Variants in CNTNAP2 observed in about 807,000 individuals in gnomAD.
The protein encoded by CNTNAP2 is contactin associated protein 2.
In CNTNAP2, 98 loss-of-function variants were observed where a neutral mutation model predicts 155.2. The observed-to-expected ratio is 0.63, with a 90% CI of 0.54 to 0.75. The LOEUF (loss-of-function observed/expected upper bound fraction) is 0.75, where lower values mean the gene tolerates loss of function less well. Ranked by LOEUF, CNTNAP2 falls within the 30% of genes least tolerant of loss-of-function variation. CNTNAP2 has a pLI of 0.00. For synonymous variants in CNTNAP2, 651 were observed against 631.2 expected, an observed-to-expected ratio of 1.03 and a Z score of -0.47; for missense variants, 1,727 against 1,688.1, an observed-to-expected ratio of 1.02 and a Z score of -0.40.
At chr7:147,811,705 T>G (rs533925556) in intron 13 of CNTNAP2, among the ~76,000 whole-genome samples, 8 of 152,232 alleles carry the variant, frequency 5.3e-5, no homozygotes, top group Non-Finnish European at 8.8e-5. Flanking sequence ...TTTAGCCTAA[T>G]TATTCAATGA....
At chr7:147,116,856 G>A (rs1801002011) in intron 5 of CNTNAP2, among the ~76,000 whole-genome samples, 1 of 152,256 alleles carries the variant, frequency 6.6e-6, no homozygotes, top group Non-Finnish European at 1.5e-5. Flanking sequence ...ATCTGGCAAA[G>A]CCACTGTGTT....
At chr7:147,823,740 G>A (rs1375619450) in intron 13 of CNTNAP2, among the ~76,000 whole-genome samples, 1 of 151,480 alleles carries the variant, frequency 6.6e-6, no homozygotes, top group African/African-American at 2.4e-5. Flanking sequence ...AAAAATTACT[G>A]AAGCTACAGA....
At chr7:147,606,170 A>G (rs1031457819) in intron 12 of CNTNAP2, among the ~76,000 whole-genome samples, 1 of 152,214 alleles carries the variant, frequency 6.6e-6, no homozygotes, top group South Asian at 2.1e-4. Context: ...TAATAATAAT[A>G]GAAACTCAGA....
chr7:146,357,212 T>C (rs1001736200), intron 1 of CNTNAP2, among the ~76,000 whole-genome samples: 1 of 136,672 alleles, frequency 7.3e-6, no homozygotes, highest in Non-Finnish European at 1.5e-5. Context: ...CGCTTGGCCC[T>C]GTGACAACAT....
intron 1 of CNTNAP2, among the ~76,000 whole-genome samples, chr7:146,723,904 A>G (rs185538824): frequency 1.1e-3 from 163 of 152,296 alleles, no homozygotes; most frequent in Non-Finnish European, 1.4e-3. Context: ...CAGATAAAAT[A>G]TGGAGGTCCC....
At position 148,108,703 on chromosome 7, in the gene CNTNAP2, G is replaced by A. The variant is rs1804278421; in HGVS notation, c.2384-9415G>A. On this transcript the variant is annotated intron_variant, in intron 15 of 23. Transcript: ENST00000361727. ...GGGTACAGAGGCTGGAAGGTGCAGG[G>A]AATGGGGAGATGGTCAAAGAGTGCA... 2.6e-5 allele frequency among the ~76,000 whole-genome samples: 4 copies of A among 152,318 alleles called. No homozygotes were observed. In the South Asian group the frequency reaches 8.3e-4, roughly 32 times the overall value.
intron 13 of CNTNAP2, among the ~76,000 whole-genome samples, chr7:147,689,198 G>C (rs989635213): frequency 2.0e-5 from 3 of 148,264 alleles, no homozygotes; most frequent in Non-Finnish European, 4.4e-5. Flanking sequence ...TGCCCAGGCT[G>C]AAGTTCAGTG....
At chr7:147,356,723 G>A (rs1215733012) in intron 9 of CNTNAP2, among the ~76,000 whole-genome samples, 1 of 152,094 alleles carries the variant, frequency 6.6e-6, no homozygotes, top group Non-Finnish European at 1.5e-5. Context: ...ACTTTGTACT[G>A]TAAAATTTGT....
At chr7:146,181,848 G>T (rs1463893552) in intron 1 of CNTNAP2, among the ~76,000 whole-genome samples, 1 of 152,134 alleles carries the variant, frequency 6.6e-6, no homozygotes, top group Non-Finnish European at 1.5e-5. Flanking sequence ...TGCTGGTCAA[G>T]CACATATTTA....
intron 21 of CNTNAP2, among the ~76,000 whole-genome samples, chr7:148,271,244 T>C (rs1796774794): frequency 1.3e-5 from 2 of 152,242 alleles, no homozygotes; most frequent in South Asian, 4.1e-4. Context: ...CTCAAAACTA[T>C]TAAGTTTTCT....
chr7:146,398,910 A>G (rs769762320), intron 1 of CNTNAP2, among the ~76,000 whole-genome samples: 9 of 152,054 alleles, frequency 5.9e-5, no homozygotes, highest in Non-Finnish European at 1.0e-4. Context: ...TAAAAAATAT[A>G]TGGATTTTTA....
intron 1 of CNTNAP2, among the ~76,000 whole-genome samples, chr7:146,400,728 A>G (rs1795702149): frequency 6.6e-6 from 1 of 152,322 alleles, no homozygotes; most frequent in African/African-American, 2.4e-5. Flanking sequence ...TTTAACTATT[A>G]GTTGTTGATT....
intron 9 of CNTNAP2, among the ~76,000 whole-genome samples, chr7:147,370,033 C>T (rs1796315182): frequency 6.6e-6 from 1 of 152,148 alleles, no homozygotes; most frequent in Non-Finnish European, 1.5e-5. Flanking sequence ...GAAATTCTGT[C>T]CCTTGCCTCT....
intron 1 of CNTNAP2, among the ~76,000 whole-genome samples, chr7:146,651,658 A>G (rs1799913643): frequency 6.6e-6 from 1 of 152,162 alleles, no homozygotes; most frequent in African/African-American, 2.4e-5. Context: ...AGATAAGAAT[A>G]AGGCAGTTCC....
chr7:146,973,395 T>C (rs1348668714), intron 3 of CNTNAP2, among the ~76,000 whole-genome samples: 2 of 152,202 alleles, frequency 1.3e-5, no homozygotes, highest in Non-Finnish European at 2.9e-5. Context: ...ACAGTGCAGA[T>C]GTAGATGGAA....
intron 3 of CNTNAP2, among the ~76,000 whole-genome samples, chr7:147,008,693 A>C (rs1295127555): frequency 1.3e-5 from 2 of 152,162 alleles, no homozygotes; most frequent in Non-Finnish European, 2.9e-5. Flanking sequence ...ATAAGCAGCA[A>C]AACAAAAGAA....
intron 1 of CNTNAP2, among the ~76,000 whole-genome samples, chr7:146,120,474 A>T (rs1393403878): frequency 6.6e-6 from 1 of 152,176 alleles, no homozygotes; most frequent in Non-Finnish European, 1.5e-5. Context: ...TTGGGCAAAA[A>T]AATTAATCCA....
At chr7:148,323,294 CTTTTTTT>C (rs60109355) in intron 21 of CNTNAP2, among the ~76,000 whole-genome samples, 1 of 49,464 alleles carries the variant, frequency 2.0e-5, no homozygotes, top group Non-Finnish European at 3.4e-5. Flanking sequence ...TTATGGATTT[CTTTTTTT>C]TTTTTTTTTT....
chr7:147,670,903 C>G (rs1054665252), intron 13 of CNTNAP2, among the ~76,000 whole-genome samples: 1 of 152,220 alleles, frequency 6.6e-6, no homozygotes, highest in Admixed American at 6.5e-5. Context: ...CAGCTGTTAA[C>G]ACTCAAGCCG....
Sources: gnomAD v4.1 joint callset for allele counts (sites outside exome capture counted in the v4.1 genomes callset) on GRCh38, gnomAD v4.1.1 for gene constraint, MANE v1.5 for transcripts, NCBI Gene and HGNC (gene_info 2026-07-23, HGNC 2026-07-21) for gene names.